The following NUP205 variants were observed in gnomAD, a reference collection of about 807,000 sequenced individuals.
The protein encoded by NUP205 is nucleoporin 205.
In NUP205, 76 loss-of-function variants were observed where a neutral mutation model predicts 253.8. That is an observed-to-expected ratio of 0.30 (90% confidence interval 0.25 to 0.36). The LOEUF is 0.36. NUP205 is among the 10% of genes least tolerant of loss of function. The pLI is 1.00. For synonymous variants in NUP205, 832 were observed against 850.1 expected (o/e 0.98, Z 0.37); for missense variants, 2,162 against 2,425.5 (o/e 0.89, Z 2.28).
Position 135,587,963 on chromosome 7 carries a change from G to C in NUP205, c.1444G>C (p.Val482Leu). The C allele has an allele frequency of 6.2e-7, 1 of 1,613,748 alleles. No homozygotes were observed. The highest frequency in any genetic ancestry group is 1.3e-5 in the African/African-American group (1 of 74,978). ...TPTIMGSYLGVAHQRPPQRQV... is the reference protein window; with the variant it reads ...TPTIMGSYLGLAHQRPPQRQV... ...GACTATCATGGGCTCTTATCTAGGGGTGGCTCATCAGCGGCCCCCTCAACG... is the reference window on the plus strand; with the variant it reads ...GACTATCATGGGCTCTTATCTAGGGCTGGCTCATCAGCGGCCCCCTCAACG... The change falls in exon 10 of 43, where the codon GTG (valine) becomes CTG (leucine). Residue 482 changes from valine (V) to leucine (L), a missense_variant. Transcript: ENST00000285968.
At position 135,630,330 on chromosome 7, in the gene NUP205, T is replaced by A. The variant is rs1464595563; in HGVS notation, c.4933-14T>A. 2 of 1,541,732 alleles carry A rather than the reference T, an allele frequency of 1.3e-6. No individual in the cohort carries two copies. Among genetic ancestry groups the A allele is most frequent in the African/African-American group, 2.8e-5 (2 of 71,836 alleles). On this transcript the variant is annotated splice_polypyrimidine_tract_variant and intron_variant, in intron 34 of 42. Coordinates refer to ENST00000285968, the MANE Select transcript of NUP205 (RefSeq NM_015135.3). ...ACCTGTTTTTTCTATTCCTCTTCCT[T>A]TTCAATGGCTTAGGTATTGCAGTTT...
chr7:135,580,322 C>T (rs1218828337), intron 7 of NUP205, among the ~76,000 whole-genome samples: 1 of 152,186 alleles, frequency 6.6e-6, no homozygotes, highest in Non-Finnish European at 1.5e-5. Context: ...TATCTAAATG[C>T]TGATAGCGAA....
chr7:135,566,474 A>C (rs1216256631), intron 1 of NUP205, among the ~76,000 whole-genome samples: 2 of 152,152 alleles, frequency 1.3e-5, no homozygotes, highest in Non-Finnish European at 2.9e-5. Context: ...CTAGAAATTT[A>C]TATGTCGAGC....
rs749986494 is a variant in NUP205, at chr7:135,617,173, C to T, written c.3616C>T (p.Arg1206Trp). 1.5e-5 allele frequency: 24 copies of T among 1,613,460 alleles called. No individual in the cohort carries two copies. The highest frequency in any genetic ancestry group is 1.6e-4 in the Middle Eastern group (1 of 6,080). Residue 1206 changes from arginine (R) to tryptophan (W), a missense_variant, in exon 26 of 43, where the codon CGG (arginine) becomes TGG (tryptophan). Physicochemically the swap from Arg to Trp is moderately radical, Grantham distance 101. Transcript: ENST00000285968. Reference sequence around the variant, plus strand: ...GCCTTTGCAGTTGGATTTTTTTGATCGGGCCCAGATTGAACAAGTTATTGC... The same window carrying T: ...GCCTTTGCAGTTGGATTTTTTTGATTGGGCCCAGATTGAACAAGTTATTGC... ...PEPLQLDFFD[R>W]AQIEQVIANC...
chr7:135,622,671 G>GT (rs35793029), intron 30 of NUP205, 106 bp from the exon 31 acceptor site: 131,942 of 784,526 alleles, frequency 0.17, 61 homozygotes, highest in East Asian at 0.21. Context: ...TTTTTGTTGC[G>GT]TTTTTTTTTT....
rs78024678 is a variant in NUP205 at position 135,639,078 on chromosome 7, A to G, written c.5392+395A>G. 5.6e-3 allele frequency among the ~76,000 whole-genome samples: 852 copies of G among 152,314 alleles called. 14 individuals are homozygous for G. Among genetic ancestry groups the G allele is most frequent in the East Asian group, 0.051 (266 of 5,174 alleles). ...TATAGCTCCAAATTTCTATAACATA[A>G]CGAAATACAATTTAGATACTAATTA... On this transcript the variant is annotated intron_variant, in intron 38 of 42. Transcript: ENST00000285968.
rs773968430 is a variant in NUP205, at chr7:135,635,600, C to T, written c.5079C>T (p.Asp1693=). The change falls in exon 36 of 43, where the codon GAC becomes GAT. Residue 1693 remains aspartate, a synonymous_variant. Transcript: ENST00000285968. ...TTATAGGAATATTAAGTGAACTTGA[C>T]GTTGATGTAAATGAAGGGTCTCTAA... ...AALPGILSEL[D]VDVNEGSLME... The T allele has an allele frequency of 3.4e-5, 53 of 1,580,976 alleles. No individual in the cohort carries two copies. The highest frequency in any genetic ancestry group is 3.6e-5 in the Non-Finnish European group (41 of 1,153,328).
At chr7:135,581,571 G>GC (rs1806304394) in intron 7 of NUP205, among the ~76,000 whole-genome samples, 1 of 150,654 alleles carries the variant, frequency 6.6e-6, no homozygotes, top group Admixed American at 6.6e-5. Flanking sequence ...ACAAGCATCG[G>GC]CCGGGTGTGG....
intron 33 of NUP205, among the ~76,000 whole-genome samples, chr7:135,627,662 A>T (rs946921023): frequency 6.6e-6 from 1 of 152,200 alleles, no homozygotes; most frequent in African/African-American, 2.4e-5. Flanking sequence ...AACAGCCTAT[A>T]TGGCCCAAGG....
chr7:135,589,395 TC>T (rs1806562410), intron 10 of NUP205, among the ~76,000 whole-genome samples: 1 of 150,740 alleles, frequency 6.6e-6, no homozygotes, highest in Non-Finnish European at 1.5e-5. Context: ...TTCAAGCGAT[TC>T]TCCTGTCTCA....
chr7:135,564,138 G>A (rs1224113891), intron 1 of NUP205, among the ~76,000 whole-genome samples: 1 of 151,774 alleles, frequency 6.6e-6, no homozygotes, highest in Non-Finnish European at 1.5e-5. Context: ...GAGTGCAGTG[G>A]CTCAGTCATG....
At chr7:135,624,452 C>T (rs1392060193) in intron 31 of NUP205, among the ~76,000 whole-genome samples, 1 of 152,202 alleles carries the variant, frequency 6.6e-6, no homozygotes, top group East Asian at 1.9e-4. Flanking sequence ...TCTCGGCTCA[C>T]TGCAACCTCT....
chr7:135,559,740 G>A (rs926658026), intron 1 of NUP205, among the ~76,000 whole-genome samples: 8 of 149,666 alleles, frequency 5.3e-5, no homozygotes, highest in Admixed American at 4.0e-4. Flanking sequence ...CACCCAGGCT[G>A]GAGTGCAGTG....
chr7:135,579,257 C>T lies in NUP205; in HGVS notation c.1042+342C>T, dbSNP rs183212961. On this transcript the variant is annotated intron_variant, in intron 7 of 42. Transcript: ENST00000285968. Reference sequence around the variant, plus strand: ...TTGCCCAGGCTGGAGTGCAATGGCACAGTCTCGGCTCACTGCAACCTCTGC... The same window carrying T: ...TTGCCCAGGCTGGAGTGCAATGGCATAGTCTCGGCTCACTGCAACCTCTGC... Among the ~76,000 whole-genome samples the T allele has an allele frequency of 2.8e-3, 418 of 151,378 alleles. 9 individuals are homozygous for T. In the East Asian group the frequency reaches 0.05, roughly 18 times the overall value.
Position 135,593,088 on chromosome 7 carries a change from G to A in NUP205, c.1726G>A (p.Ala576Thr), listed in dbSNP as rs1333507426. The A allele has an allele frequency of 6.2e-7, 1 of 1,614,042 alleles. No individual in the cohort carries two copies. Among genetic ancestry groups the A allele is most frequent in the South Asian group, 1.1e-5 (1 of 91,078 alleles). ...HEHLRKDLPS[A>T]DSVQYRHLPS... ...ACACCTTCGGAAGGATCTTCCAAGT[G>A]CAGATAGTGTCCAGTACCGTCACCT... The change falls in exon 12 of 43, where the codon GCA becomes ACA. Residue 576 changes from alanine to threonine, a missense_variant. Coordinates refer to ENST00000285968, the MANE Select transcript of NUP205 (RefSeq NM_015135.3).
At chr7:135,584,097 A>G (rs567977313) in intron 7 of NUP205, among the ~76,000 whole-genome samples, 1 of 152,112 alleles carries the variant, frequency 6.6e-6, no homozygotes, top group South Asian at 2.1e-4. Context: ...GGCATGAGCC[A>G]CCCTGCCCGG....
intron 30 of NUP205, 107 bp from the exon 31 acceptor site, chr7:135,622,670 C>A: frequency 1.0e-6 from 1 of 961,864 alleles, no homozygotes; most frequent in Non-Finnish European, 1.5e-6. Flanking sequence ...TTTTTTGTTG[C>A]GTTTTTTTTT....
Position 135,601,516 on chromosome 7 carries a change from T to G in NUP205, c.2512+9T>G. 1 of 1,605,360 alleles carries G rather than the reference T, an allele frequency of 6.2e-7. No homozygotes were observed. The highest frequency in any genetic ancestry group is 8.5e-7 in the Non-Finnish European group (1 of 1,177,596). On this transcript the variant is annotated intron_variant, in intron 17 of 42. Transcript: ENST00000285968. ...CTATGCCCCCTTTCCTGGTATATGCTTAAAAGCCTTCATGTCTTGCAAACA... is the reference window on the plus strand; with the variant it reads ...CTATGCCCCCTTTCCTGGTATATGCGTAAAAGCCTTCATGTCTTGCAAACA...
chr7:135,595,471 G>A (rs997666402), intron 13 of NUP205, among the ~76,000 whole-genome samples: 10 of 152,060 alleles, frequency 6.6e-5, no homozygotes, highest in South Asian at 2.1e-4. Flanking sequence ...TGATCTGCCC[G>A]CCTCGGCCTC....
Sources: gnomAD v4.1 joint callset for allele counts (sites outside exome capture counted in the v4.1 genomes callset) on GRCh38, gnomAD v4.1.1 for gene constraint, MANE v1.5 for transcripts, NCBI Gene and HGNC (gene_info 2026-07-23, HGNC 2026-07-21) for gene names.